The following RNF19B variants were observed in gnomAD, a reference collection of about 807,000 sequenced individuals.
RNF19B encodes E3 ubiquitin-protein ligase RNF19B.
RNF19B carries 23 observed loss-of-function variants against 65.5 expected under a neutral mutation model. The observed-to-expected ratio is 0.35, with a 90% confidence interval of 0.25 to 0.50. The LOEUF is 0.50. Ranked by LOEUF, RNF19B falls within the 20% of genes least tolerant of loss-of-function variation. The pLI is 0.98. For synonymous variants in RNF19B, 372 were observed against 379.6 expected, an observed-to-expected ratio of 0.98 and a Z score of 0.23; for missense variants, 794 against 980.0, an observed-to-expected ratio of 0.81 and a Z score of 2.53.
chr1:32,945,689 A>T, intron 4 of RNF19B, 61 bp from the exon 5 acceptor site: 1 of 929,920 alleles, frequency 1.1e-6, no homozygotes, highest in South Asian at 1.4e-5. Context: ...TTGCCAGAGA[A>T]AAAAAGGACA....
intron 1 of RNF19B, among the ~76,000 whole-genome samples, chr1:32,958,182 AAAC>A (rs368254713): frequency 1.1e-4 from 17 of 152,216 alleles, no homozygotes; most frequent in African/African-American, 4.1e-4. Flanking sequence ...GCTACAGAAA[AAAC>A]AAAAACCTGT....
chr1:32,951,802 CTTT>C (rs34519392), intron 1 of RNF19B, among the ~76,000 whole-genome samples: 2 of 145,118 alleles, frequency 1.4e-5, no homozygotes. Context: ...GACACATATT[CTTT>C]TTTTTTTTTT....
rs768014132 is a variant in RNF19B at position 32,936,937 on chromosome 1, A to AGC, written c.2063_2064dup (p.Ser689AlafsTer23). On this transcript the variant is annotated frameshift_variant, in exon 9 of 9. Coordinates refer to ENST00000235150, the MANE Select transcript of RNF19B (RefSeq NM_001300826.2). LOFTEE classifies it high-confidence loss of function. ...GTCGAGGGGCAGGCTGCAGTATGGGAGCGGGGGGAGCCACACTCATCTGAG... is the reference window on the plus strand; with the variant it reads ...GTCGAGGGGCAGGCTGCAGTATGGGAGCGCGGGGGGAGCCACACTCATCTGAG... The AGC allele has an allele frequency of 1.2e-4, 194 of 1,613,668 alleles. No individual in the cohort carries two copies. Among genetic ancestry groups the AGC allele is most frequent in the Non-Finnish European group, 1.6e-4 (189 of 1,179,942 alleles).
chr1:32,941,897 A>C (rs1005456962), intron 7 of RNF19B, among the ~76,000 whole-genome samples: 6 of 152,162 alleles, frequency 3.9e-5, no homozygotes, highest in African/African-American at 1.4e-4. Flanking sequence ...GGAGATTGAG[A>C]CCATCCTAGC....
Position 32,944,850 on chromosome 1 carries a change from G to A in RNF19B, c.1261+664C>T, listed in dbSNP as rs1023776501. Among the ~76,000 whole-genome samples, 21 of 151,944 alleles carry A rather than the reference G, an allele frequency of 1.4e-4. No homozygotes were observed. The East Asian group carries it at 3.1e-3, about 22-fold the overall frequency. ...ACTACAGGCACCCGCTACCACACCC[G>A]GCTGATTTTCTGTATTTTTAGTAGA... On this transcript the variant is annotated intron_variant, in intron 5 of 8. Transcript: ENST00000235150.
At chr1:32,957,198 G>C (rs1342544207) in intron 1 of RNF19B, among the ~76,000 whole-genome samples, 1 of 152,100 alleles carries the variant, frequency 6.6e-6, no homozygotes, top group African/African-American at 2.4e-5. Flanking sequence ...CCAGGTATGG[G>C]GTCTTGCTAT....
the RNF19B span, among the ~76,000 whole-genome samples, chr1:32,930,002 C>CCT: frequency 6.6e-6 from 1 of 152,192 alleles, no homozygotes; most frequent in Non-Finnish European, 1.5e-5. Context: ...AAGTACTTTT[C>CCT]AATTCCTTGC....
chr1:32,943,796 T>C (rs542250165), intron 6 of RNF19B, among the ~76,000 whole-genome samples: 3 of 152,288 alleles, frequency 2.0e-5, no homozygotes, highest in South Asian at 2.1e-4. Flanking sequence ...TGGAGTTACT[T>C]GGATTCCTAC....
rs145288049 is a variant in RNF19B, at chr1:32,944,113, G to C, written c.1308C>G (p.Pro436=). 54 of 1,613,886 alleles carry C rather than the reference G, an allele frequency of 3.3e-5. No individual in the cohort carries two copies. Among genetic ancestry groups the C allele is most frequent in the Admixed American group, 1.8e-4 (11 of 59,966 alleles). The change falls in exon 6 of 9, where the codon CCC becomes CCG. Residue 436 remains proline, a synonymous_variant. Coordinates refer to ENST00000235150, the MANE Select transcript of RNF19B (RefSeq NM_001300826.2). ...AGCCGCCTCCACGACAAAGAGAAAT[G>C]GGCACAACCCCATAAACATATGCCA... ...IMLAYVYGVV[P]ISLCRGGGCG...
At chr1:32,957,715 T>C (rs1642672907) in intron 1 of RNF19B, among the ~76,000 whole-genome samples, 2 of 152,252 alleles carry the variant, frequency 1.3e-5, no homozygotes, top group South Asian at 2.1e-4. Flanking sequence ...ATGCCTGTAA[T>C]CCCAGATACT....
the RNF19B span, among the ~76,000 whole-genome samples, chr1:32,929,273 CCT>C: frequency 2.0e-5 from 3 of 152,272 alleles, no homozygotes; most frequent in East Asian, 5.8e-4. Flanking sequence ...TCAGATTTCC[CCT>C]TTTTATATGT....
chr1:32,958,665 G>C (rs1210302099), intron 1 of RNF19B, among the ~76,000 whole-genome samples: 2 of 151,556 alleles, frequency 1.3e-5, no homozygotes, highest in African/African-American at 2.4e-5. Flanking sequence ...GCAGTGAGCC[G>C]AGATTGCACC....
chr1:32,948,128 T>C, intron 3 of RNF19B, 94 bp downstream of exon 3: 4 of 1,357,128 alleles, frequency 2.9e-6, no homozygotes, highest in Non-Finnish European at 4.1e-6. Context: ...CTTAAACCTG[T>C]AATGAGAGAA....
Position 32,946,541 on chromosome 1 carries a change from C to T in RNF19B, c.1007G>A (p.Gly336Asp). Residue 336 changes from glycine to aspartate, a missense_variant, in exon 4 of 9, where the codon GGC becomes GAC. Gly to Asp is a moderately conservative substitution (Grantham distance 94, BLOSUM62 -1). This residue lies in a region of RNF19B where 52 missense variants were observed against 108.8 expected (regional missense o/e 0.48). Coordinates refer to ENST00000235150, the MANE Select transcript of RNF19B (RefSeq NM_001300826.2). The part of the protein sequence containing the change: ...YLSPSGCTFW[G>D]KKPWSRKKKI... ...CTTCTTACGGCTCCATGGCTTCTTG[C>T]CCCAGAATGTACAGCCAGAGGGGCT... 3 of 1,613,958 alleles carry T rather than the reference C, an allele frequency of 1.9e-6. No homozygotes were observed. The highest frequency in any genetic ancestry group is 2.5e-6 in the Non-Finnish European group (3 of 1,179,914).
intron 8 of RNF19B, 102 bp from the exon 9 acceptor site, chr1:32,937,361 G>C (rs531145573): frequency 1.0e-4 from 160 of 1,560,960 alleles, no homozygotes; most frequent in Non-Finnish European, 1.3e-4. Flanking sequence ...CAAAAAGATA[G>C]GTGAACAGTT....
At chr1:32,943,572 C>T (rs1021124227) in intron 6 of RNF19B, among the ~76,000 whole-genome samples, 2 of 150,854 alleles carry the variant, frequency 1.3e-5, no homozygotes, top group East Asian at 2.0e-4. Flanking sequence ...ACCGAGATCG[C>T]GACATCGTAC....
At chr1:32,931,955 G>A (rs1367474108), downstream of RNF19B, among the ~76,000 whole-genome samples, 1 of 152,176 alleles carries the variant, frequency 6.6e-6, no homozygotes, top group Non-Finnish European at 1.5e-5. Flanking sequence ...ATGCAGCTTA[G>A]TCATAACTAA....
chr1:32,931,594 C>A (rs2124091021), downstream of RNF19B, among the ~76,000 whole-genome samples: 1 of 152,318 alleles, frequency 6.6e-6, no homozygotes, highest in East Asian at 1.9e-4. Flanking sequence ...CCTGGTAAAG[C>A]TACGAATTCA....
chr1:32,931,088 CA>C, the RNF19B span, among the ~76,000 whole-genome samples: 201 of 144,260 alleles, frequency 1.4e-3, 2 homozygotes, highest in East Asian at 0.012. Flanking sequence ...ACTCTGTCTC[CA>C]AAAAAAAAAA....
Sources: gnomAD v4.1 joint callset for allele counts (sites outside exome capture counted in the v4.1 genomes callset) on GRCh38, gnomAD v4.1.1 for gene constraint, gnomAD v4.1.1 regional missense constraint, MANE v1.5 for transcripts, NCBI Gene and HGNC (gene_info 2026-07-23, HGNC 2026-07-21) for gene names.